The following IRGM variants were observed in gnomAD, a reference collection of about 807,000 sequenced individuals.
IRGM encodes the protein immunity-related GTPase family M protein.
For missense variants in IRGM, 288 were observed against 219.9 expected (o/e 1.31, Z -1.96); for synonymous variants, 98 against 80.6 (o/e 1.22, Z -1.16).
At chr5:150,852,886 A>C (rs1484989503), downstream of IRGM, among the ~76,000 whole-genome samples, 2 of 152,150 alleles carry the variant, frequency 1.3e-5, no homozygotes, top group African/African-American at 4.8e-5. Context: ...CTAATAGAAG[A>C]GAAAATAATA....
chr5:150,864,571 A>G (rs758728647), intron 1 of IRGM, among the ~76,000 whole-genome samples: 6 of 152,096 alleles, frequency 3.9e-5, no homozygotes, highest in Non-Finnish European at 5.9e-5. Flanking sequence ...TTCCTTCACT[A>G]TCATGTCTGA....
chr5:150,869,417 C>T (rs904505763), intron 1 of IRGM, among the ~76,000 whole-genome samples: 1 of 152,030 alleles, frequency 6.6e-6, no homozygotes, highest in Non-Finnish European at 1.5e-5. Context: ...CTATGTTCAT[C>T]GGGGATATTG....
chr5:150,856,125 G>T (rs1477593538), intron 1 of IRGM, among the ~76,000 whole-genome samples: 6 of 152,086 alleles, frequency 3.9e-5, no homozygotes, highest in Non-Finnish European at 8.8e-5. Flanking sequence ...AGTTAAATAT[G>T]TGATTTAAAA....
At chr5:150,887,460 A>G (rs1754543254) in intron 3 of IRGM, among the ~76,000 whole-genome samples, 1 of 152,014 alleles carries the variant, frequency 6.6e-6, no homozygotes, top group Admixed American at 6.6e-5. Flanking sequence ...GTCTAAATCT[A>G]TGAATCATTG....
At chr5:150,893,853 C>A (rs779627498) in intron 3 of IRGM, among the ~76,000 whole-genome samples, 1 of 152,040 alleles carries the variant, frequency 6.6e-6, no homozygotes, top group African/African-American at 2.4e-5. Flanking sequence ...TTAGCAGATC[C>A]ATTTTATGAA....
chr5:150,892,323 A>C (rs1246633644), intron 3 of IRGM, among the ~76,000 whole-genome samples: 1 of 152,118 alleles, frequency 6.6e-6, no homozygotes. Flanking sequence ...TGTTAATTAC[A>C]GAAGGGAAAG....
intron 1 of IRGM, among the ~76,000 whole-genome samples, chr5:150,875,428 C>A (rs188952819): frequency 4.5e-4 from 69 of 152,264 alleles, no homozygotes; most frequent in African/African-American, 1.6e-3. Context: ...TAGTGACTTG[C>A]AAGAAATATG....
chr5:150,884,983 C>A (rs1754496688), intron 3 of IRGM, among the ~76,000 whole-genome samples: 2 of 152,108 alleles, frequency 1.3e-5, no homozygotes, highest in Admixed American at 6.6e-5. Context: ...GTCATTAAAT[C>A]TTTGCCCATT....
intron 1 of IRGM, among the ~76,000 whole-genome samples, chr5:150,870,044 C>G (rs1754260685): frequency 6.6e-6 from 1 of 152,046 alleles, no homozygotes; most frequent in Non-Finnish European, 1.5e-5. Flanking sequence ...CCTATATCTC[C>G]AAGGAGGAAA....
chr5:150,881,654 A>C (rs192958409), intron 3 of IRGM, among the ~76,000 whole-genome samples: 1 of 151,144 alleles, frequency 6.6e-6, no homozygotes, highest in Non-Finnish European at 1.5e-5. Flanking sequence ...ATTATTAAAA[A>C]TAATAATAGC....
intron 1 of IRGM, among the ~76,000 whole-genome samples, chr5:150,869,180 G>T (rs1404292847): frequency 1.3e-5 from 2 of 152,062 alleles, no homozygotes; most frequent in Non-Finnish European, 1.5e-5. Flanking sequence ...TTTGTTAAGG[G>T]TTTTATTCAT....
Position 150,888,863 on chromosome 5 carries a change from G to A in IRGM, c.*140+9217G>A, listed in dbSNP as rs530359323. On this transcript the variant is annotated intron_variant and NMD_transcript_variant, in intron 3 of 3. Coordinates refer to the IRGM transcript ENST00000520549. The stretch of plus-strand genomic sequence containing the variant: ...TAGAGATTGTGTTAAATCTATGGAC[G>A]AATTTGGGGAGAATTAATATCTTAA... 3.3e-5 allele frequency among the ~76,000 whole-genome samples: 5 copies of A among 152,092 alleles called. No individual in the cohort carries two copies. The South Asian group carries it at 8.3e-4, about 25-fold the overall frequency.
At chr5:150,849,812 G>T (rs1753947367), downstream of IRGM, among the ~76,000 whole-genome samples, 1 of 151,842 alleles carries the variant, frequency 6.6e-6, no homozygotes, top group African/African-American at 2.4e-5. Context: ...TCACCATGTT[G>T]GCCAGGATGG....
At chr5:150,901,066 G>A (rs555028713), downstream of IRGM, among the ~76,000 whole-genome samples, 1 of 152,136 alleles carries the variant, frequency 6.6e-6, no homozygotes, top group African/African-American at 2.4e-5. Context: ...GGTGTTAAAG[G>A]CTGAAAAGGA....
chr5:150,876,766 T>G (rs1561747797), intron 1 of IRGM, among the ~76,000 whole-genome samples: 1 of 152,180 alleles, frequency 6.6e-6, no homozygotes, highest in Non-Finnish European at 1.5e-5. Flanking sequence ...CTGAGGTGCT[T>G]GCTGAAGTCA....
In IRGM at chr5:150,883,537, A is replaced by T. The variant is rs183299315; in HGVS notation, c.*140+3891A>T. ...AGAAAAAAAGCAAGAAGACAAAATC[A>T]GAAATGAGTTGGAATACCTGAAATA... On this transcript the variant is annotated intron_variant and NMD_transcript_variant, in intron 3 of 3. Transcript: ENST00000520549. Among the ~76,000 whole-genome samples the T allele has an allele frequency of 2.6e-5, 4 of 152,046 alleles. No individual in the cohort carries two copies. In the East Asian group the frequency reaches 5.8e-4, roughly 22 times the overall value.
chr5:150,869,623 G>A (rs1357449717), intron 1 of IRGM, among the ~76,000 whole-genome samples: 1 of 151,858 alleles, frequency 6.6e-6, no homozygotes, highest in Non-Finnish European at 1.5e-5. Flanking sequence ...CTTTTTTGTT[G>A]GCAATTTTAA....
chr5:150,857,213 A>C (rs1754070896), intron 1 of IRGM, among the ~76,000 whole-genome samples: 2 of 152,230 alleles, frequency 1.3e-5, no homozygotes, highest in Middle Eastern at 3.4e-3. Context: ...TAGTTTGCTG[A>C]GAATGATGGT....
At chr5:150,896,627 A>G (rs778019356) in intron 3 of IRGM, 16 of 1,613,544 alleles carry the variant, frequency 9.9e-6, no homozygotes, top group African/African-American at 2.7e-5. Context: ...AATTGCTCTT[A>G]TAACAACTCG....
Sources: allele counts gnomAD v4.1 joint callset (sites outside exome capture counted in the v4.1 genomes callset), GRCh38; gene constraint gnomAD v4.1.1; transcripts MANE v1.5; gene names NCBI Gene and HGNC (gene_info 2026-07-23, HGNC 2026-07-21).